ADAM8: variants seen among roughly 807,000 people sequenced by gnomAD.
The protein encoded by ADAM8 is ADAM metallopeptidase domain 8.
ADAM8 carries 104 observed loss-of-function variants against 102.4 expected under a neutral mutation model. The observed-to-expected ratio is 1.02, with a 90% CI of 0.87 to 1.20. ADAM8 has a LOEUF of 1.20. Among genes scored for constraint, ADAM8 ranks in the 50% most tolerant of loss-of-function variants. The pLI is 0.00. For synonymous variants in ADAM8, 517 were observed against 485.2 expected (o/e 1.07, Z -0.86); for missense variants, 1,132 against 1,159.0 (o/e 0.98, Z 0.34).
Position 133,262,813 on chromosome 10 carries a change from G to A in ADAM8, c.*343C>T. On this transcript the variant is annotated 3_prime_UTR_variant, in exon 23 of 23. Coordinates refer to ENST00000445355, the MANE Select transcript of ADAM8 (RefSeq NM_001109.5). ...AGCAGGCCCCAGAGCAGGGGCAGGT[G>A]TGGCTGGGAGGGGCTGTATATGTGG... 1 of 295,668 alleles carries A rather than the reference G, an allele frequency of 3.4e-6. No homozygotes were observed. Among genetic ancestry groups the A allele is most frequent in the Non-Finnish European group, 6.5e-6 (1 of 154,720 alleles). The allele number at this position is 295,668 out of a possible 1,614,324, so 18.3% of individuals were successfully genotyped here. A position where few individuals can be genotyped will look rare whatever the true frequency, so the allele number is the denominator to read the frequency against.
chr10:133,270,490 A>G lies in ADAM8; in HGVS notation c.1655T>C (p.Leu552Pro), dbSNP rs777359290. The G allele has an allele frequency of 6.3e-7, 1 of 1,598,882 alleles. No individual in the cohort carries two copies. The highest frequency in any genetic ancestry group is 8.6e-7 in the Non-Finnish European group (1 of 1,168,860). The change falls in exon 16 of 23, where the codon CTG becomes CCG. Residue 552 changes from leucine to proline, a missense_variant. Leu to Pro is a moderately conservative substitution (Grantham distance 98). Coordinates refer to ENST00000445355, the MANE Select transcript of ADAM8 (RefSeq NM_001109.5). ...SRYRADMCGVLQCKGGQQPLG... is the reference protein window; with the variant it reads ...SRYRADMCGVPQCKGGQQPLG... ...GGGCTGCTGCCCACCCTTGCACTGC[A>G]GAACGCCACACATGTCAGCCCTGTG...
At position 133,267,409 on chromosome 10, in the gene ADAM8, G is replaced by A. The variant is rs1393810404; in HGVS notation, c.2262C>T (p.Val754=). 1.2e-6 allele frequency: 2 copies of A among 1,609,394 alleles called. No homozygotes were observed. Among genetic ancestry groups the A allele is most frequent in the Admixed American group, 1.7e-5 (1 of 59,328 alleles). Residue 754 remains valine, a synonymous_variant, in exon 21 of 23, where the codon GTC becomes GTT. Transcript: ENST00000445355. ...CTGGGAAGGGTGGGCTGGACACAGTGACCGGAGGCTGGAGGAGACAGGGCC... is the reference window on the plus strand; with the variant it reads ...CTGGGAAGGGTGGGCTGGACACAGTAACCGGAGGCTGGAGGAGACAGGGCC... ...ALKRPPPAPP[V]TVSSPPFPVP...
At chr10:133,274,599 GGTCCTCCCAGGCC>G (rs1338724180) in intron 2 of ADAM8, among the ~76,000 whole-genome samples, 3 of 151,968 alleles carry the variant, frequency 2.0e-5, no homozygotes, top group Non-Finnish European at 4.4e-5. Flanking sequence ...GGTGCTCCTC[GGTCCTCCCAGGCC>G]TCAGTTTCCC....
intron 16 of ADAM8, 91 bp from the exon 17 acceptor site, chr10:133,270,065 G>T: frequency 7.0e-7 from 1 of 1,422,724 alleles, no homozygotes; most frequent in Non-Finnish European, 9.8e-7. Context: ...GGGGTGGGCT[G>T]TGGTCACCAC....
At chr10:133,266,714 A>G (rs1846332018) in intron 21 of ADAM8, among the ~76,000 whole-genome samples, 1 of 152,216 alleles carries the variant, frequency 6.6e-6, no homozygotes, top group South Asian at 2.1e-4. Context: ...GCCCTAGCTG[A>G]GTCAGTGGCC....
At chr10:133,267,873 G>T in intron 20 of ADAM8, 56 bp downstream of exon 20, 1 of 1,256,016 alleles carries the variant, frequency 8.0e-7, no homozygotes. Context: ...TGGGGTCGCA[G>T]GATGGGGCCT....
chr10:133,271,423 G>A, intron 12 of ADAM8, 105 bp downstream of exon 12: 1 of 1,472,514 alleles, frequency 6.8e-7, no homozygotes, highest in Non-Finnish European at 9.1e-7. Context: ...GACACCCACA[G>A]AGCCCCAAGT....
At chr10:133,276,459 C>T (rs745398966) in intron 1 of ADAM8, among the ~76,000 whole-genome samples, 17 of 152,270 alleles carry the variant, frequency 1.1e-4, no homozygotes, top group East Asian at 1.9e-4. Flanking sequence ...ATCCCAGGAA[C>T]CCAGGGCGCC....
At chr10:133,275,710 T>G in intron 1 of ADAM8, 123 bp from the exon 2 acceptor site, 1 of 566,018 alleles carries the variant, frequency 1.8e-6, no homozygotes, top group South Asian at 2.5e-5. Context: ...ACTCACCAGA[T>G]AGCTCTGGGA....
chr10:133,268,742 C>T lies in ADAM8; in HGVS notation c.2063+6G>A, dbSNP rs368246700. The T allele has an allele frequency of 1.6e-5, 26 of 1,608,290 alleles. No homozygotes were observed. The African/African-American group carries it at 2.7e-4, about 17-fold the overall frequency. On this transcript the variant is annotated splice_donor_region_variant and intron_variant, in intron 19 of 22. Coordinates refer to ENST00000445355, the MANE Select transcript of ADAM8 (RefSeq NM_001109.5). ...CACCCTCCGTCACAGCCCCCACCAC[C>T]CTCACCTGCTCAGGATGCGGCTCCG...
In ADAM8 at chr10:133,270,874, A is replaced by G. The variant is rs774796093; in HGVS notation, c.1564+7T>C. ...ACCCTGCCAGGCCAGCTCTGTGCCC[A>G]CTTCACCTGGCCCCCAGAAGGCCTG... On this transcript the variant is annotated splice_region_variant and intron_variant, in intron 14 of 22. Coordinates refer to ENST00000445355, the MANE Select transcript of ADAM8 (RefSeq NM_001109.5). 3 of 1,610,220 alleles carry G rather than the reference A, an allele frequency of 1.9e-6. No individual in the cohort carries two copies. The highest frequency in any genetic ancestry group is 2.7e-5 in the African/African-American group (2 of 74,876).
Position 133,268,862 on chromosome 10 carries a change from G to A in ADAM8, c.1949C>T (p.Ala650Val), listed in dbSNP as rs201827043. 4.4e-5 allele frequency: 70 copies of A among 1,604,988 alleles called. No homozygotes were observed. Among genetic ancestry groups the A allele is most frequent in the Middle Eastern group, 1.6e-4 (1 of 6,078 alleles). ...CACGAAGACGGGGAGGCTCCCGGAC[G>A]CTGTGGGACACACGGCCCCACATCA... ...CAKLLTEVHA[A>V]SGSLPVFVVV... The change falls in exon 19 of 23, where the codon GCG becomes GTG. Residue 650 changes from alanine to valine, a missense_variant and splice_region_variant. Ala to Val is a moderately conservative substitution (Grantham distance 64). Transcript: ENST00000445355.
At chr10:133,273,690 C>A in intron 5 of ADAM8, 72 bp downstream of exon 5, 4 of 1,446,338 alleles carry the variant, frequency 2.8e-6, no homozygotes, top group South Asian at 1.2e-5. Context: ...TGCCTCCCTT[C>A]CCCACCCCCA....
intron 9 of ADAM8, 37 bp from the exon 10 acceptor site, chr10:133,272,311 C>A (rs1417819006): frequency 6.7e-7 from 1 of 1,488,884 alleles, no homozygotes; most frequent in Non-Finnish European, 9.0e-7. Context: ...CTGGACACGG[C>A]TCCCTCCCCA....
chr10:133,276,806 G>T lies in ADAM8; in HGVS notation c.12C>A (p.Leu4=), dbSNP rs1846774864. MRG[L]GLWLLGAMML... is the part of the protein sequence containing the mutation. ...TCATCGCGCCCAGCAGCCAGAGCCC[G>T]AGGCCGCGCATGGCCGGGTCGGGGA... Residue 4 remains leucine, a synonymous_variant, in exon 1 of 23, where the codon CTC becomes CTA. Transcript: ENST00000445355. The T allele has an allele frequency of 6.5e-7, 1 of 1,529,998 alleles. No homozygotes were observed. The allele number at this position is 1,529,998 out of a possible 1,614,324, so 94.8% of individuals were successfully genotyped here.
intron 21 of ADAM8, among the ~76,000 whole-genome samples, chr10:133,266,990 C>T (rs917140582): frequency 4.0e-5 from 6 of 150,550 alleles, no homozygotes; most frequent in African/African-American, 1.5e-4. Flanking sequence ...AAGCGCGGAA[C>T]GTGTCCCTGC....
In ADAM8 at chr10:133,273,809, C is replaced by T. The variant is rs978928170; in HGVS notation, c.336G>A (p.Glu112=). ...QDHCFYQGHV[E]GYPDSAASLS... is the part of the protein sequence containing the mutation. ...GGCTGGCGGCTGAGTCCGGGTACCC[C>T]TCTACGTGGCCCTGGTAGAAGCAGT... Residue 112 remains glutamate, a synonymous_variant, in exon 5 of 23, where the codon GAG becomes GAA. Coordinates refer to ENST00000445355, the MANE Select transcript of ADAM8 (RefSeq NM_001109.5). The T allele has an allele frequency of 6.5e-7, 1 of 1,549,316 alleles. No homozygotes were observed. The highest frequency in any genetic ancestry group is 2.0e-5 in the Admixed American group (1 of 51,004).
chr10:133,274,299 G>T, intron 2 of ADAM8, 64 bp from the exon 3 acceptor site: 1 of 1,444,700 alleles, frequency 6.9e-7, no homozygotes. Context: ...CTCAATCCTG[G>T]GGGCCAGAGA....
At position 133,271,913 on chromosome 10, in the gene ADAM8, G is replaced by A. The variant is rs754728329; in HGVS notation, c.999C>T (p.Ala333=). The A allele has an allele frequency of 1.9e-6, 3 of 1,612,598 alleles. No homozygotes were observed. Among genetic ancestry groups the A allele is most frequent in the Admixed American group, 1.7e-5 (1 of 60,020 alleles). Reference sequence around the variant, plus strand: ...TGCCCAGGTTGTGGCCCATCTCATGGGCCATGGTACAGGCCACGCCCACGG... The same window carrying A: ...TGCCCAGGTTGTGGCCCATCTCATGAGCCATGGTACAGGCCACGCCCACGG... ...KNPVGVACTM[A]HEMGHNLGMD... Residue 333 remains alanine, a synonymous_variant, in exon 11 of 23, where the codon GCC becomes GCT. Coordinates refer to ENST00000445355, the MANE Select transcript of ADAM8 (RefSeq NM_001109.5).
Sources: gnomAD v4.1 joint callset for allele counts (sites outside exome capture counted in the v4.1 genomes callset) on GRCh38, gnomAD v4.1.1 for gene constraint, MANE v1.5 for transcripts, NCBI Gene and HGNC (gene_info 2026-07-23, HGNC 2026-07-21) for gene names.